The following SCN10A variants were observed in gnomAD, a reference collection of about 807,000 sequenced individuals.
The protein encoded by SCN10A is sodium voltage-gated channel alpha subunit 10, also known as sodium channel protein type 10 subunit alpha.
In SCN10A, 162 loss-of-function variants were observed where a neutral mutation model predicts 170.7. The ratio of observed to expected loss-of-function variants is 0.95; its 90% CI spans 0.84 to 1.08. SCN10A has a LOEUF of 1.08. SCN10A is among the 50% of genes least tolerant of loss of function. The pLI, the probability that SCN10A is intolerant of heterozygous loss-of-function variation, is 0.00. For missense variants in SCN10A, 2,527 were observed against 2,436.9 expected (o/e 1.04, Z -0.78); for synonymous variants, 985 against 904.6 (o/e 1.09, Z -1.59).
In SCN10A at chr3:38,707,128, G is replaced by A. The variant is rs186083535; in HGVS notation, c.4386+151C>T. 2.3e-5 allele frequency: 16 copies of A among 686,664 alleles called. No homozygotes were observed. The East Asian group carries it at 3.7e-4, about 16-fold the overall frequency. 42.5% of individuals were successfully genotyped at this position (686,664 alleles called of 1,614,324 possible). On this transcript the variant is annotated intron_variant, in intron 26 of 27. Transcript: ENST00000449082. ...CTTCTTTTGAACTTCTCATTCCTTG[G>A]GCCTAGGAACCCTCATCACCCTCAT... is the stretch of plus-strand genomic sequence containing the variant.
chr3:38,722,725 G>C (rs1217043663), intron 19 of SCN10A, among the ~76,000 whole-genome samples: 1 of 152,194 alleles, frequency 6.6e-6, no homozygotes, highest in Non-Finnish European at 1.5e-5. Context: ...TACGGCGTAT[G>C]AGCCTGGGGG....
chr3:38,771,329 C>T lies in SCN10A; in HGVS notation c.549G>A (p.Thr183=), dbSNP rs141703064. Residue 183 remains threonine (T), a synonymous_variant, in exon 5 of 28, where the codon ACG becomes ACA. Coordinates refer to ENST00000449082, the MANE Select transcript of SCN10A (RefSeq NM_006514.4). ...LARGFCLNEF[T]YLRDPWNWLD... is the part of the protein sequence containing the mutation. Reference sequence around the variant, plus strand: ...GCCAGTTCCAAGGATCTCTCAGGTACGTGAACTCATTTAGACAAAATCCTC... The same window carrying T: ...GCCAGTTCCAAGGATCTCTCAGGTATGTGAACTCATTTAGACAAAATCCTC... 88 of 1,613,986 alleles carry T rather than the reference C, an allele frequency of 5.5e-5. No individual in the cohort carries two copies. Among genetic ancestry groups the T allele is most frequent in the Non-Finnish European group, 7.0e-5 (83 of 1,179,996 alleles).
chr3:38,728,671 G>A lies in SCN10A; in HGVS notation c.2511C>T (p.His837=), dbSNP rs1214854780. 2 of 1,614,250 alleles carry A rather than the reference G, an allele frequency of 1.2e-6. No homozygotes were observed. Among genetic ancestry groups the A allele is most frequent in the Admixed American group, 1.7e-5 (1 of 60,024 alleles). Residue 837 remains histidine, a synonymous_variant, in exon 16 of 28, where the codon CAC becomes CAT. Coordinates refer to ENST00000449082, the MANE Select transcript of SCN10A (RefSeq NM_006514.4). ...GGATACGGAAGACAATGAGGAAAGA[G>A]TGGAAGAAGTCGTGCATGTGCCAGC... ...WPRWHMHDFF[H]SFLIVFRILC...
Position 38,697,965 on chromosome 3 carries a change from T to C in SCN10A, c.5255A>G (p.Asp1752Gly), listed in dbSNP as rs2063112209. 6.2e-7 allele frequency: 1 copy of C among 1,613,924 alleles called. No individual in the cohort carries two copies. The highest frequency in any genetic ancestry group is 8.5e-7 in the Non-Finnish European group (1 of 1,180,004). ...DMFYETWEKF[D>G]PEATQFITFS... is the part of the protein sequence containing the mutation. ...GGTAATAAACTGAGTGGCCTCTGGGTCAAACTTCTCCCAGGTCTCATAGAA... is the reference window on the plus strand; with the variant it reads ...GGTAATAAACTGAGTGGCCTCTGGGCCAAACTTCTCCCAGGTCTCATAGAA... The change falls in exon 28 of 28, where the codon GAC becomes GGC. Residue 1752 changes from aspartate (D) to glycine (G), a missense_variant. By Grantham distance (94) the Asp-to-Gly change is moderately conservative. Coordinates refer to ENST00000449082, the MANE Select transcript of SCN10A (RefSeq NM_006514.4).
intron 1 of SCN10A, among the ~76,000 whole-genome samples, chr3:38,805,581 A>G (rs1480651779): frequency 6.6e-6 from 1 of 152,292 alleles, no homozygotes; most frequent in African/African-American, 2.4e-5. Flanking sequence ...ATCTTTAGAC[A>G]TCTGATGGGA....
At position 38,709,580 on chromosome 3, in the gene SCN10A, G is replaced by A. The variant is rs150442007; in HGVS notation, c.4179C>T (p.Tyr1393=). The A allele has an allele frequency of 6.2e-7, 1 of 1,611,046 alleles. No homozygotes were observed. Residue 1393 remains tyrosine, a synonymous_variant, in exon 25 of 28, where the codon TAC becomes TAT. Coordinates refer to ENST00000449082, the MANE Select transcript of SCN10A (RefSeq NM_006514.4). The part of the protein sequence containing the change: ...NMQPKWEDNV[Y]MYLYFVIFII... The stretch of plus-strand genomic sequence containing the variant: ...TGAAGATGACAAAGTACAAATACAT[G>A]TACACGTTGTCCTCCCACTTGGGTT...
chr3:38,747,385 G>A (rs998373799), intron 13 of SCN10A, among the ~76,000 whole-genome samples: 9 of 152,112 alleles, frequency 5.9e-5, no homozygotes, highest in African/African-American at 1.7e-4. Context: ...ACACATCTCC[G>A]CCCTCATAGA....
intron 18 of SCN10A, 82 bp downstream of exon 18, chr3:38,725,092 A>G (rs1302196059): frequency 4.4e-6 from 6 of 1,356,154 alleles, no homozygotes; most frequent in Middle Eastern, 5.0e-4. Flanking sequence ...CCCCACCTTC[A>G]CCGCCACCCT....
chr3:38,707,240 CACAG>C, intron 26 of SCN10A, 35 bp downstream of exon 26: 1 of 1,599,790 alleles, frequency 6.3e-7, no homozygotes, highest in Non-Finnish European at 8.6e-7. Flanking sequence ...ATGTTGGATT[CACAG>C]ACAGGCTGTG....
At chr3:38,803,051 G>T (rs1296097563) in intron 1 of SCN10A, among the ~76,000 whole-genome samples, 1 of 152,168 alleles carries the variant, frequency 6.6e-6, no homozygotes, top group Non-Finnish European at 1.5e-5. Flanking sequence ...ATGAAAAAAT[G>T]CTCATCATCA....
At chr3:38,716,030 T>G (rs62242433) in intron 21 of SCN10A, among the ~76,000 whole-genome samples, 14,899 of 152,146 alleles carry the variant, frequency 0.098, 973 homozygotes, top group East Asian at 0.31. Context: ...AAGGATACAA[T>G]GATAAATAGG....
chr3:38,796,796 G>T (rs1290721617), intron 1 of SCN10A, among the ~76,000 whole-genome samples: 1 of 152,012 alleles, frequency 6.6e-6, no homozygotes, highest in Non-Finnish European at 1.5e-5. Flanking sequence ...ATAACTCTCT[G>T]CACTTTCTCT....
At position 38,746,063 on chromosome 3, in the gene SCN10A, G is replaced by GTGTATA. The variant is rs1293476818; in HGVS notation, c.1868-3535_1868-3534insTATACA. Among the ~76,000 whole-genome samples the GTGTATA allele has an allele frequency of 7.8e-4, 48 of 61,670 alleles. 2 individuals are homozygous for GTGTATA. The highest frequency in any genetic ancestry group is 1.4e-3 in the South Asian group (2 of 1,448). 40.5% of individuals were successfully genotyped at this position (61,670 alleles called of 152,430 possible). On this transcript the variant is annotated intron_variant, in intron 13 of 27. Coordinates refer to ENST00000449082, the MANE Select transcript of SCN10A (RefSeq NM_006514.4). The stretch of plus-strand genomic sequence containing the variant: ...TACATATATATATGTGTGTGTATGT[G>GTGTATA]TATATATATATATATATATATATAT...
At chr3:38,757,260 A>G in intron 8 of SCN10A, 101 bp from the exon 9 acceptor site, 1 of 1,163,690 alleles carries the variant, frequency 8.6e-7, no homozygotes. Flanking sequence ...TCAGAGTTCA[A>G]GACCTAGTCT....
intron 4 of SCN10A, among the ~76,000 whole-genome samples, chr3:38,780,173 T>C (rs947458789): frequency 1.3e-5 from 2 of 152,016 alleles, no homozygotes; most frequent in African/African-American, 4.8e-5. Flanking sequence ...ATTGTTGCCA[T>C]CTTATTTGTT....
intron 4 of SCN10A, among the ~76,000 whole-genome samples, chr3:38,781,757 G>GT (rs1230625049): frequency 6.6e-6 from 1 of 152,058 alleles, no homozygotes; most frequent in African/African-American, 2.4e-5. Flanking sequence ...TTTGAGCCTA[G>GT]TTATAATGAT....
chr3:38,730,841 A>T (rs1198787766), intron 15 of SCN10A, among the ~76,000 whole-genome samples: 1 of 152,182 alleles, frequency 6.6e-6, no homozygotes, highest in African/African-American at 2.4e-5. Flanking sequence ...ACATAAGATG[A>T]AAAATAACAA....
chr3:38,755,872 C>T lies in SCN10A; in HGVS notation c.1377G>A (p.Arg459=). Residue 459 remains arginine, a synonymous_variant, in exon 11 of 28, where the codon AGG becomes AGA. Coordinates refer to ENST00000449082, the MANE Select transcript of SCN10A (RefSeq NM_006514.4). ...PLTSKNASER[R]HRIKPRVSEG... ...CTGACACTCTTGGCTTTATTCTATG[C>T]CTTCTCTCACTGGCATTTTTGGAGG... 6.2e-7 allele frequency: 1 copy of T among 1,614,154 alleles called. No individual in the cohort carries two copies. The highest frequency in any genetic ancestry group is 8.5e-7 in the Non-Finnish European group (1 of 1,180,024).
intron 4 of SCN10A, among the ~76,000 whole-genome samples, chr3:38,772,743 A>AAAAAAC (rs2064023983): frequency 6.7e-6 from 1 of 149,868 alleles, no homozygotes; most frequent in East Asian, 2.0e-4. Context: ...AAACAAAAAA[A>AAAAAAC]AAAAAACCTG....
Sources: gnomAD v4.1 joint callset for allele counts (sites outside exome capture counted in the v4.1 genomes callset) on GRCh38, gnomAD v4.1.1 for gene constraint, MANE v1.5 for transcripts, NCBI Gene and HGNC (gene_info 2026-07-23, HGNC 2026-07-21) for gene names.